FGD3: variants seen among roughly 807,000 people sequenced by gnomAD.
FGD3 encodes the protein FYVE, RhoGEF and PH domain containing 3.
FGD3 carries 45 observed loss-of-function variants against 71.8 expected under a neutral mutation model. The ratio of observed to expected loss-of-function variants is 0.63; its 90% CI spans 0.49 to 0.80. The LOEUF is 0.80. FGD3 is among the 30% of genes least tolerant of loss of function. FGD3 has a pLI of 0.00. For synonymous variants in FGD3, 378 were observed against 392.8 expected, an observed-to-expected ratio of 0.96 and a Z score of 0.44; for missense variants, 844 against 951.5, an observed-to-expected ratio of 0.89 and a Z score of 1.49.
chr9:92,985,191 G>T (rs552411205), intron 3 of FGD3, among the ~76,000 whole-genome samples: 1 of 152,322 alleles, frequency 6.6e-6, no homozygotes, highest in East Asian at 1.9e-4. Flanking sequence ...GGCTTCCCAC[G>T]CCAATGGCAG....
chr9:93,018,044 C>G, intron 10 of FGD3, 92 bp from the exon 11 acceptor site: 2 of 1,255,320 alleles, frequency 1.6e-6, no homozygotes, highest in Non-Finnish European at 2.3e-6. Flanking sequence ...TCTGTTACCT[C>G]CTTGGGGAAA....
chr9:93,031,737 C>T (rs577727601), intron 15 of FGD3, among the ~76,000 whole-genome samples: 2 of 152,202 alleles, frequency 1.3e-5, no homozygotes, highest in East Asian at 3.9e-4. Flanking sequence ...TAGAATTTCC[C>T]AAGGTTTGAA....
chr9:93,011,295 G>A lies in FGD3; in HGVS notation c.1035+23G>A, dbSNP rs373903974. 2.0e-5 allele frequency: 32 copies of A among 1,613,992 alleles called. No individual in the cohort carries two copies. The African/African-American group carries it at 2.0e-4, about 10-fold the overall frequency. Reference sequence around the variant, plus strand: ...GTGGTGAGTGTGGGGCTCCAGTGGCGACCGGCAGGGTGGTGCAGCAAGAGT... The same window carrying A: ...GTGGTGAGTGTGGGGCTCCAGTGGCAACCGGCAGGGTGGTGCAGCAAGAGT... On this transcript the variant is annotated intron_variant, in intron 8 of 17. Coordinates refer to ENST00000375482, the MANE Select transcript of FGD3 (RefSeq NM_001083536.2).
In FGD3 at chr9:93,036,020, C is replaced by CCTTT. The variant is rs1250679750; in HGVS notation, c.*434_*437dup. The CCTTT allele has an allele frequency of 1.2e-5, 2 of 164,450 alleles. No individual in the cohort carries two copies. The highest frequency in any genetic ancestry group is 3.6e-4 in the East Asian group (2 of 5,632). 10.2% of individuals were successfully genotyped at this position (164,450 alleles called of 1,614,324 possible). On this transcript the variant is annotated 3_prime_UTR_variant, in exon 18 of 18. Transcript: ENST00000375482. ...CTGAATCGTGACTTGCTTCCCACCT[C>CCTTT]CTTTCTCTGTCCTCTCCTGAGGTTC...
chr9:92,963,141 A>G (rs995501691), intron 1 of FGD3, among the ~76,000 whole-genome samples: 1 of 151,966 alleles, frequency 6.6e-6, no homozygotes, highest in Non-Finnish European at 1.5e-5. Flanking sequence ...GGAGGGGCAC[A>G]CCACTGTGTC....
At chr9:93,034,456 G>T (rs1486326405) in intron 16 of FGD3, 85 bp from the exon 17 acceptor site, 1 of 1,477,600 alleles carries the variant, frequency 6.8e-7, no homozygotes, top group Non-Finnish European at 9.0e-7. Flanking sequence ...CCCAAGCAGT[G>T]GCCCTGGCCC....
chr9:93,008,933 C>A (rs1019414390), intron 6 of FGD3, among the ~76,000 whole-genome samples: 1 of 150,804 alleles, frequency 6.6e-6, no homozygotes, highest in Admixed American at 6.6e-5. Flanking sequence ...CCACTACACT[C>A]CAGGCTGGGC....
In FGD3 at chr9:93,035,816, G is replaced by A. The variant is rs151224468; in HGVS notation, c.*227G>A. 8.5e-6 allele frequency: 5 copies of A among 587,070 alleles called. No individual in the cohort carries two copies. In the East Asian group the frequency reaches 9.3e-5, roughly 11 times the overall value. 36.4% of individuals were successfully genotyped at this position (587,070 alleles called of 1,614,324 possible). A position where few individuals can be genotyped will look rare whatever the true frequency, so the allele number is the denominator to read the frequency against. ...GCTAAGAGCCTGGCCTCCAGCCCCAGCAGTGTGGCCCAGAGCAGGGGCCGA... is the reference window on the plus strand; with the variant it reads ...GCTAAGAGCCTGGCCTCCAGCCCCAACAGTGTGGCCCAGAGCAGGGGCCGA... On this transcript the variant is annotated 3_prime_UTR_variant, in exon 18 of 18. Coordinates refer to ENST00000375482, the MANE Select transcript of FGD3 (RefSeq NM_001083536.2).
intron 1 of FGD3, among the ~76,000 whole-genome samples, chr9:92,972,398 A>T (rs1466575897): frequency 1.3e-5 from 2 of 150,114 alleles, no homozygotes; most frequent in Admixed American, 1.3e-4. Flanking sequence ...GTTGCAGTGA[A>T]CCTAGATTGT....
chr9:92,969,072 G>A lies in FGD3; in HGVS notation c.-217-6166G>A, dbSNP rs1442341615. ...ACCAGCGGATATAGGCAGTTCACAT[G>A]GTTTATTGTATCACCTAGAGGCACT... On this transcript the variant is annotated intron_variant, in intron 1 of 17. Transcript: ENST00000375482. This position sits in a 1 kb window ranked among gnomAD's most constrained non-coding sequence, Gnocchi z 4.5. Among the ~76,000 whole-genome samples, 1 of 152,186 alleles carries A rather than the reference G, an allele frequency of 6.6e-6. No homozygotes were observed. Among genetic ancestry groups the A allele is most frequent in the Admixed American group, 6.5e-5 (1 of 15,288 alleles).
At chr9:93,027,220 G>A (rs910728793) in intron 14 of FGD3, among the ~76,000 whole-genome samples, 4 of 152,224 alleles carry the variant, frequency 2.6e-5, no homozygotes, top group Non-Finnish European at 5.9e-5. Context: ...GGGACCTGCA[G>A]GTGGGCCAAT....
At chr9:93,035,288 C>T (rs780034228) in intron 17 of FGD3, 50 bp from the exon 18 acceptor site, 1 of 1,575,012 alleles carries the variant, frequency 6.3e-7, no homozygotes, top group Non-Finnish European at 8.6e-7. Flanking sequence ...TGAGGTGAGC[C>T]CGAGGCCGGG....
chr9:92,948,510 G>C (rs1196159256), intron 1 of FGD3, among the ~76,000 whole-genome samples: 1 of 152,198 alleles, frequency 6.6e-6, no homozygotes, highest in Non-Finnish European at 1.5e-5. Context: ...CTGTGAATTA[G>C]GGCAGTTAGA....
At chr9:92,954,589 A>C (rs1859014757) in intron 1 of FGD3, among the ~76,000 whole-genome samples, 1 of 152,194 alleles carries the variant, frequency 6.6e-6, no homozygotes, top group Non-Finnish European at 1.5e-5. Flanking sequence ...GGGTCTCTGC[A>C]GGCCAGAGCT....
intron 1 of FGD3, among the ~76,000 whole-genome samples, chr9:92,958,450 G>T (rs1053498464): frequency 6.6e-6 from 1 of 152,176 alleles, no homozygotes; most frequent in African/African-American, 2.4e-5. Context: ...TACAATTGAT[G>T]AACCTGCACT....
Position 93,012,695 on chromosome 9 carries a change from G to T in FGD3, c.1036-1157G>T, listed in dbSNP as rs76371741. ...CCAGGTGTGGGCGGTGGCGGGGTGT[G>T]GGGGGGGGAAGAATCAATCTACATA... On this transcript the variant is annotated intron_variant, in intron 8 of 17. Transcript: ENST00000375482. Among the ~76,000 whole-genome samples, 2,484 of 133,358 alleles carry T rather than the reference G, an allele frequency of 0.019. 255 individuals are homozygous for T. The East Asian group carries it at 0.3, about 16-fold the overall frequency. The allele number at this position is 133,358 out of a possible 152,430, so 87.5% of individuals were successfully genotyped here.
chr9:92,973,620 T>G (rs1222083284), intron 1 of FGD3, among the ~76,000 whole-genome samples: 2 of 152,198 alleles, frequency 1.3e-5, no homozygotes, highest in African/African-American at 4.8e-5. Context: ...TATCCATCAT[T>G]CCTGAAGCAA....
intron 1 of FGD3, among the ~76,000 whole-genome samples, chr9:92,971,193 G>A (rs1405893783): frequency 6.6e-6 from 1 of 152,148 alleles, no homozygotes; most frequent in Non-Finnish European, 1.5e-5. Context: ...TGTGTGAATT[G>A]GGGGGTACCG....
At chr9:92,949,418 C>T (rs1349500851) in intron 1 of FGD3, among the ~76,000 whole-genome samples, 2 of 152,152 alleles carry the variant, frequency 1.3e-5, no homozygotes, top group East Asian at 1.9e-4. Flanking sequence ...TGCAGCGGGG[C>T]GTCCGTCCAC....
Sources: allele counts gnomAD v4.1 joint callset (sites outside exome capture counted in the v4.1 genomes callset), GRCh38; gene constraint gnomAD v4.1.1; non-coding constraint Gnocchi (gnomAD v3.1); transcripts MANE v1.5; gene names NCBI Gene and HGNC (gene_info 2026-07-23, HGNC 2026-07-21).